GRID2: variants seen among roughly 807,000 people sequenced by gnomAD.
The protein encoded by GRID2 is glutamate ionotropic receptor delta type subunit 2.
Under a neutral mutation model 114.8 loss-of-function variants are expected in GRID2, and 33 were observed. That is an observed-to-expected ratio of 0.29 (90% confidence interval 0.22 to 0.38). The LOEUF (loss-of-function observed/expected upper bound fraction) is 0.38, where lower values mean the gene tolerates loss of function less well. Among genes scored for constraint, GRID2 ranks in the 10% least tolerant of loss-of-function variants. The pLI is 1.00. For synonymous variants in GRID2, 505 were observed against 449.9 expected (o/e 1.12, Z -1.55); for missense variants, 1,184 against 1,257.7 (o/e 0.94, Z 0.89).
intron 1 of GRID2, among the ~76,000 whole-genome samples, chr4:92,443,610 C>T (rs894414624): frequency 5.9e-5 from 9 of 152,050 alleles, no homozygotes; most frequent in Non-Finnish European, 7.4e-5. Context: ...GGGGTACTTG[C>T]CTCTCCTCTA....
At chr4:93,368,026 A>AT (rs1378270107) in intron 8 of GRID2, among the ~76,000 whole-genome samples, 1 of 152,138 alleles carries the variant, frequency 6.6e-6, no homozygotes, top group Non-Finnish European at 1.5e-5. Context: ...TAAAGAGTCC[A>AT]TTTTTTTAAT....
rs557801589 is a variant in GRID2, at chr4:93,400,114, A to G, written c.1347+4406A>G. On this transcript the variant is annotated intron_variant, in intron 9 of 15. Transcript: ENST00000282020. ...CAAGATCAGAGATCCTGGTTCCACA[A>G]ACCATGTCCTTAGCCACTCTGATAA... 2.0e-3 allele frequency among the ~76,000 whole-genome samples: 307 copies of G among 152,234 alleles called. 1 individual carries two copies. The highest frequency in any genetic ancestry group is 3.3e-3 in the Non-Finnish European group (224 of 68,012).
chr4:93,652,784 TAAAA>T (rs200098114), intron 14 of GRID2, among the ~76,000 whole-genome samples: 53 of 86,392 alleles, frequency 6.1e-4, no homozygotes, highest in African/African-American at 2.2e-3. Context: ...CAGTAAATGC[TAAAA>T]AAAAAAAAAA....
chr4:92,909,269 T>G (rs1032823563), intron 2 of GRID2, among the ~76,000 whole-genome samples: 1 of 146,690 alleles, frequency 6.8e-6, no homozygotes, highest in African/African-American at 2.6e-5. Context: ...TTTTTCTTTT[T>G]TTTTTTCAAG....
rs897411033 is a variant in GRID2, at chr4:93,471,698, A to ATTTTTTTTTTTTTTTTTTTTTT, written c.1858+15741_1858+15742insTTTTTTTTTTTTTTTTTTTTTT. Among the ~76,000 whole-genome samples the ATTTTTTTTTTTTTTTTTTTTTT allele has an allele frequency of 4.5e-3, 275 of 60,904 alleles. 54 individuals carry two copies. Among genetic ancestry groups the ATTTTTTTTTTTTTTTTTTTTTT allele is most frequent in the African/African-American group, 8.8e-3 (97 of 11,060 alleles). The allele number at this position is 60,904 out of a possible 152,430, so 40.0% of individuals were successfully genotyped here. A position where few individuals can be genotyped will look rare whatever the true frequency, so the allele number is the denominator to read the frequency against. ...ATTGTTATTTCTTCTCCTGAATTCA[A>ATTTTTTTTTTTTTTTTTTTTTT]TTTTTTTTTTTTTTTTTGGAGACGG... On this transcript the variant is annotated intron_variant, in intron 11 of 15. Transcript: ENST00000282020.
intron 14 of GRID2, among the ~76,000 whole-genome samples, chr4:93,644,658 T>C (rs1235922423): frequency 6.6e-6 from 1 of 152,156 alleles, no homozygotes; most frequent in Non-Finnish European, 1.5e-5. Context: ...CTTTTCTGCA[T>C]GTTTTTAGCA....
intron 4 of GRID2, among the ~76,000 whole-genome samples, chr4:93,125,000 C>T (rs1204309399): frequency 1.3e-5 from 2 of 151,872 alleles, no homozygotes; most frequent in Non-Finnish European, 2.9e-5. Flanking sequence ...TTGGTTTCTA[C>T]TTGTAGAAAA....
chr4:93,461,375 C>T (rs1723725525), intron 11 of GRID2, among the ~76,000 whole-genome samples: 1 of 152,008 alleles, frequency 6.6e-6, no homozygotes, highest in African/African-American at 2.4e-5. Flanking sequence ...ATGACAGTGT[C>T]CATGTATAGG....
chr4:92,401,991 A>G (rs980862662), intron 1 of GRID2, among the ~76,000 whole-genome samples: 6 of 152,164 alleles, frequency 3.9e-5, no homozygotes, highest in African/African-American at 9.7e-5. Flanking sequence ...AGTTTATGAA[A>G]TATTCTAAAT....
chr4:93,017,882 CT>C (rs528393000), intron 2 of GRID2, among the ~76,000 whole-genome samples: 4,916 of 119,072 alleles, frequency 0.041, 270 homozygotes, highest in African/African-American at 0.14. Context: ...AGACAGTAAG[CT>C]TTTTTTTTTT....
chr4:93,154,821 C>T (rs1217890573), intron 4 of GRID2, among the ~76,000 whole-genome samples: 3 of 151,884 alleles, frequency 2.0e-5, no homozygotes, highest in Non-Finnish European at 4.4e-5. Context: ...TCCTCTACTG[C>T]AATTCTGCCT....
chr4:92,645,216 C>A (rs1182515885), intron 2 of GRID2, among the ~76,000 whole-genome samples: 2 of 151,572 alleles, frequency 1.3e-5, no homozygotes, highest in Non-Finnish European at 2.9e-5. Flanking sequence ...AGTTGATAGG[C>A]TTAATTCCAT....
At chr4:92,485,348 A>ATAGTGT (rs1457659903) in intron 1 of GRID2, among the ~76,000 whole-genome samples, 1 of 49,518 alleles carries the variant, frequency 2.0e-5, no homozygotes, top group Non-Finnish European at 4.1e-5. Context: ...ATATATATAT[A>ATAGTGT]GTGTGTGTGT....
At chr4:93,112,062 T>C (rs1732819344) in intron 4 of GRID2, 3 of 152,132 alleles carry the variant, frequency 2.0e-5, no homozygotes, top group Admixed American at 2.0e-4. Flanking sequence ...TTTTTCATAA[T>C]ATAAAATATT....
At chr4:93,678,337 A>T in intron 14 of GRID2, among the ~76,000 whole-genome samples, 1 of 152,236 alleles carries the variant, frequency 6.6e-6, no homozygotes, top group South Asian at 2.1e-4. Flanking sequence ...AATGGAACCA[A>T]GTTGGAAAAC....
In GRID2 at chr4:93,772,852, C is replaced by G. The variant is rs948713257; in HGVS notation, c.*354C>G. 5.1e-6 allele frequency: 1 copy of G among 196,512 alleles called. No individual in the cohort carries two copies. Among genetic ancestry groups the G allele is most frequent in the Non-Finnish European group, 1.0e-5 (1 of 97,838 alleles). 12.2% of individuals were successfully genotyped at this position (196,512 alleles called of 1,614,324 possible). A position where few individuals can be genotyped will look rare whatever the true frequency, so the allele number is the denominator to read the frequency against. ...TGCAGGATTAATTTTACATAAAGGC[C>G]TCTTCTGTAACATTTCTCTATTTTT... On this transcript the variant is annotated 3_prime_UTR_variant, in exon 16 of 16. Coordinates refer to ENST00000282020, the MANE Select transcript of GRID2 (RefSeq NM_001510.4).
At chr4:92,891,990 C>G (rs1473059321) in intron 2 of GRID2, among the ~76,000 whole-genome samples, 1 of 151,884 alleles carries the variant, frequency 6.6e-6, no homozygotes, top group Non-Finnish European at 1.5e-5. Context: ...TATTTTGCAC[C>G]CAAAAGTATC....
At chr4:92,597,421 C>G (rs76457444) in intron 2 of GRID2, among the ~76,000 whole-genome samples, 7,588 of 152,196 alleles carry the variant, frequency 0.05, 197 homozygotes, top group Middle Eastern at 0.092. Context: ...TTACAGACCT[C>G]TACATCATAA....
chr4:92,995,241 A>G (rs1272856622), intron 2 of GRID2, among the ~76,000 whole-genome samples: 2 of 152,078 alleles, frequency 1.3e-5, no homozygotes, highest in South Asian at 2.1e-4. Context: ...AAGTGGATAC[A>G]TCTCTCTTCT....
Sources: gnomAD v4.1 joint callset for allele counts (sites outside exome capture counted in the v4.1 genomes callset) on GRCh38, gnomAD v4.1.1 for gene constraint, MANE v1.5 for transcripts, NCBI Gene and HGNC (gene_info 2026-07-23, HGNC 2026-07-21) for gene names.